The following FRY variants were observed in gnomAD, a reference collection of about 807,000 sequenced individuals.
FRY encodes FRY microtubule binding protein, also known as protein furry homolog.
Under a neutral mutation model 348.4 loss-of-function variants are expected in FRY, and 128 were observed. The ratio of observed to expected loss-of-function variants is 0.37; its 90% CI spans 0.32 to 0.43. The LOEUF is 0.43. FRY is among the 20% of genes least tolerant of loss of function. The probability of loss-of-function intolerance (pLI) is 1.00; values close to 1 mark genes in which losing one functional copy is unlikely to be tolerated. For synonymous variants in FRY, 1,370 were observed against 1,374.7 expected (o/e 1.00, Z 0.08); for missense variants, 2,736 against 3,695.2 (o/e 0.74, Z 6.73).
intron 11 of FRY, among the ~76,000 whole-genome samples, chr13:32,141,928 C>T (rs1880098397): frequency 6.6e-6 from 1 of 152,044 alleles, no homozygotes; most frequent in Non-Finnish European, 1.5e-5. Flanking sequence ...TATCAATGAA[C>T]CTCAGAGCCA....
intron 3 of FRY, among the ~76,000 whole-genome samples, chr13:32,104,587 T>C (rs1877415755): frequency 6.6e-6 from 1 of 152,186 alleles, no homozygotes; most frequent in South Asian, 2.1e-4. Flanking sequence ...AACTCACAAA[T>C]GAACTGTGAG....
rs1378294662 is a variant in FRY, at chr13:32,194,285, T to C, written c.3734T>C (p.Val1245Ala). The change falls in exon 29 of 61, where the codon GTG (valine) becomes GCG (alanine). Residue 1245 changes from valine (V) to alanine (A), a missense_variant. Around this residue, in one of 9 missense-constraint regions of FRY, gnomAD observed 794 missense variants for 977.0 expected, o/e 0.81. Coordinates refer to ENST00000542859, the MANE Select transcript of FRY (RefSeq NM_023037.3). The stretch of plus-strand genomic sequence containing the variant: ...GGCTGCTTCAAAGCCATAGCAACTG[T>C]GTGTGGAAGCAGGTACGAATTTTTA... Reference protein sequence around the residue: ...ASGCFKAIATVCGSRNYPFDI... With the variant: ...ASGCFKAIATACGSRNYPFDI... The C allele has an allele frequency of 5.6e-6, 9 of 1,614,058 alleles. No individual in the cohort carries two copies. Among genetic ancestry groups the C allele is most frequent in the East Asian group, 2.2e-5 (1 of 44,896 alleles).
At chr13:32,052,842 G>A (rs1400887711) in intron 1 of FRY, among the ~76,000 whole-genome samples, 4 of 152,216 alleles carry the variant, frequency 2.6e-5, no homozygotes, top group South Asian at 2.1e-4. Context: ...GGCTGGGCAC[G>A]ATGGCTAATG....
chr13:32,155,407 C>G (rs1881052360), intron 14 of FRY, 84 bp from the exon 15 acceptor site: 3 of 984,704 alleles, frequency 3.0e-6, no homozygotes, highest in Admixed American at 1.7e-5. Context: ...GCAATTCAGT[C>G]TTAACTATCT....
At chr13:32,163,514 G>A (rs1025885129) in intron 17 of FRY, among the ~76,000 whole-genome samples, 6 of 152,178 alleles carry the variant, frequency 3.9e-5, no homozygotes, top group Admixed American at 2.0e-4. Flanking sequence ...GAGAGGAGGC[G>A]TCTGCAGGGA....
intron 55 of FRY, among the ~76,000 whole-genome samples, chr13:32,272,012 TATA>T (rs1403568558): frequency 6.6e-6 from 1 of 152,132 alleles, no homozygotes; most frequent in African/African-American, 2.4e-5. Flanking sequence ...ATAATAATAA[TATA>T]ATAATTTTTT....
chr13:32,136,320 C>A (rs1299600652), intron 10 of FRY, among the ~76,000 whole-genome samples: 2 of 152,112 alleles, frequency 1.3e-5, no homozygotes, highest in Non-Finnish European at 2.9e-5. Context: ...TGGTCATAAG[C>A]AAATTCCTCC....
In FRY at chr13:32,243,997, G is replaced by A. The variant is rs201446064; in HGVS notation, c.6688-45G>A. The A allele has an allele frequency of 1.1e-3, 1,763 of 1,607,996 alleles. 5 individuals are homozygous for A. The highest frequency in any genetic ancestry group is 3.5e-3 in the Middle Eastern group (21 of 6,036). On this transcript the variant is annotated intron_variant, in intron 46 of 60. Transcript: ENST00000542859. Reference sequence around the variant, plus strand: ...TGGAAAACACGGGTCCTTCCATACGGAGATCTGGTGTGTGACTGACTCCAG... The same window carrying A: ...TGGAAAACACGGGTCCTTCCATACGAAGATCTGGTGTGTGACTGACTCCAG...
At chr13:32,065,277 A>G (rs1036006016) in intron 1 of FRY, among the ~76,000 whole-genome samples, 1 of 152,138 alleles carries the variant, frequency 6.6e-6, no homozygotes, top group Non-Finnish European at 1.5e-5. Flanking sequence ...TGTTTGGTTT[A>G]TTTGTACCTT....
chr13:32,284,502 G>A (rs545252037), intron 58 of FRY, among the ~76,000 whole-genome samples: 33 of 152,330 alleles, frequency 2.2e-4, no homozygotes, highest in African/African-American at 7.9e-4. Flanking sequence ...GTCTGTTGAA[G>A]ATAGCTTACA....
intron 28 of FRY, among the ~76,000 whole-genome samples, chr13:32,190,227 T>C (rs920575682): frequency 6.6e-6 from 1 of 151,970 alleles, no homozygotes; most frequent in African/African-American, 2.4e-5. Context: ...ACATCATATT[T>C]AATAGTTAAT....
chr13:32,163,843 C>T (rs1566105591), intron 17 of FRY, among the ~76,000 whole-genome samples: 2 of 152,172 alleles, frequency 1.3e-5, no homozygotes, highest in East Asian at 3.9e-4. Flanking sequence ...TTATAAGTTA[C>T]ATTCTTACCA....
In FRY at chr13:32,160,100, G is replaced by A. The variant is rs1238993041; in HGVS notation, c.1785-1044G>A. On this transcript the variant is annotated intron_variant, in intron 16 of 60. Coordinates refer to ENST00000542859, the MANE Select transcript of FRY (RefSeq NM_023037.3). ...CAAACTTGTAAAAGCACAATAAAAG[G>A]TAATGTCACAGAGCAAAATTGCTGC... Among the ~76,000 whole-genome samples, 8 of 152,164 alleles carry A rather than the reference G, an allele frequency of 5.3e-5. 1 individual carries two copies. Among genetic ancestry groups the A allele is most frequent in the Admixed American group, 3.3e-4 (5 of 15,274 alleles).
At chr13:32,166,378 T>G (rs1315481194) in intron 17 of FRY, among the ~76,000 whole-genome samples, 2 of 152,200 alleles carry the variant, frequency 1.3e-5, no homozygotes, top group Non-Finnish European at 2.9e-5. Context: ...ATGGCCCAGC[T>G]GGGGGAACTG....
At chr13:32,287,940 G>T (rs951968403) in intron 58 of FRY, 3 of 864,316 alleles carry the variant, frequency 3.5e-6, no homozygotes, top group Admixed American at 2.6e-5. Context: ...CCATAACAAA[G>T]CCTATTTTTA....
chr13:32,189,238 C>T lies in FRY; in HGVS notation c.3591+1582C>T, dbSNP rs752668258. Among the ~76,000 whole-genome samples the T allele has an allele frequency of 8.5e-5, 13 of 152,118 alleles. 1 individual carries two copies. Among genetic ancestry groups the T allele is most frequent in the Non-Finnish European group, 1.8e-4 (12 of 67,970 alleles). On this transcript the variant is annotated intron_variant, in intron 28 of 60. Coordinates refer to ENST00000542859, the MANE Select transcript of FRY (RefSeq NM_023037.3). ...AGGATTCATGTTACTCTGATAGCGG[C>T]TCTTTTCAAACTGATGTCTTCTCCT... is the stretch of plus-strand genomic sequence containing the variant.
rs560202499 is a variant in FRY, at chr13:32,123,810, A to C, written c.465-476A>C. Among the ~76,000 whole-genome samples, 4 of 150,640 alleles carry C rather than the reference A, an allele frequency of 2.7e-5. No individual in the cohort carries two copies. The South Asian group carries it at 8.5e-4, about 32-fold the overall frequency. On this transcript the variant is annotated intron_variant, in intron 4 of 60. Coordinates refer to ENST00000542859, the MANE Select transcript of FRY (RefSeq NM_023037.3). Reference sequence around the variant, plus strand: ...GTTTGTCCACTGCAGCACACAGAGAATTAGCATGTTTTGTTGTTGTTGTTG... The same window carrying C: ...GTTTGTCCACTGCAGCACACAGAGACTTAGCATGTTTTGTTGTTGTTGTTG...
chr13:32,101,794 C>T (rs1877178286), intron 2 of FRY, among the ~76,000 whole-genome samples, 169 bp from the exon 3 acceptor site: 1 of 152,078 alleles, frequency 6.6e-6, no homozygotes, highest in Admixed American at 6.5e-5. Context: ...AACATAACTA[C>T]TATGGTTACA....
intron 44 of FRY, among the ~76,000 whole-genome samples, chr13:32,238,290 GA>G (rs965139682): frequency 3.5e-4 from 28 of 80,016 alleles, no homozygotes; most frequent in African/African-American, 5.3e-4. Context: ...CTCTCGTACA[GA>G]AAAAAAAAAT....
Sources: gnomAD v4.1 joint callset for allele counts (sites outside exome capture counted in the v4.1 genomes callset) on GRCh38, gnomAD v4.1.1 for gene constraint, gnomAD v4.1.1 regional missense constraint, MANE v1.5 for transcripts, NCBI Gene and HGNC (gene_info 2026-07-23, HGNC 2026-07-21) for gene names.